KCNG2: variants seen among roughly 807,000 people sequenced by gnomAD.
KCNG2 encodes the protein voltage-gated potassium channel regulatory subunit KCNG2.
A neutral mutation model predicts 12.3 loss-of-function variants in KCNG2; 7 were observed. The observed-to-expected ratio is 0.57, with a 90% CI of 0.32 to 1.07. The LOEUF (loss-of-function observed/expected upper bound fraction) is 1.07. Among genes scored for constraint, KCNG2 ranks in the 50% least tolerant of loss-of-function variants. The pLI, the probability that KCNG2 is intolerant of heterozygous loss-of-function variation, is 0.04. For synonymous variants in KCNG2, 414 were observed against 351.4 expected, an observed-to-expected ratio of 1.18 and a Z score of -1.99; for missense variants, 703 against 726.0, an observed-to-expected ratio of 0.97 and a Z score of 0.36.
At chr18:79,895,922 T>C (rs1488223322) in intron 3 of KCNG2, among the ~76,000 whole-genome samples, 1 of 152,214 alleles carries the variant, frequency 6.6e-6, no homozygotes, top group East Asian at 1.9e-4. Flanking sequence ...TTGCATGGGG[T>C]GAATATTTTC....
rs1981160913 is a variant in KCNG2 at position 79,899,984 on chromosome 18, G to C, written c.*168G>C. On this transcript the variant is annotated 3_prime_UTR_variant, in exon 4 of 4. Transcript: ENST00000316249. ...CCCAGAACTTGGCGGGGCCCTGCCT[G>C]ACTCCCCGTGGCAGCGCTGGGCAAA... is the stretch of plus-strand genomic sequence containing the variant. 1.9e-6 allele frequency: 1 copy of C among 513,170 alleles called. No individual in the cohort carries two copies. Among genetic ancestry groups the C allele is most frequent in the Non-Finnish European group, 3.0e-6 (1 of 335,432 alleles). 31.8% of individuals were successfully genotyped at this position (513,170 alleles called of 1,614,324 possible). A position where few individuals can be genotyped will look rare whatever the true frequency, so the allele number is the denominator to read the frequency against.
chr18:79,815,826 G>A (rs2122999694), intron 1 of KCNG2, among the ~76,000 whole-genome samples: 1 of 152,362 alleles, frequency 6.6e-6, no homozygotes, highest in Non-Finnish European at 1.5e-5. Flanking sequence ...GCTCCCCGCT[G>A]GCCTGTGTGC....
At chr18:79,885,941 G>A (rs113146934) in intron 3 of KCNG2, among the ~76,000 whole-genome samples, 158 of 14,352 alleles carry the variant, frequency 0.011, 62 homozygotes, top group South Asian at 0.081. Flanking sequence ...TGGGGACAGG[G>A]ACATGGGGAC....
chr18:79,863,638 G>T lies in KCNG2; in HGVS notation c.-30G>T. 1 of 1,211,962 alleles carries T rather than the reference G, an allele frequency of 8.3e-7. No homozygotes were observed. The highest frequency in any genetic ancestry group is 1.0e-6 in the Non-Finnish European group (1 of 973,528). The allele number at this position is 1,211,962 out of a possible 1,614,324, so 75.1% of individuals were successfully genotyped here. The stretch of plus-strand genomic sequence containing the variant: ...CCGTTCCTTTTGCAGGAGCCGGGCA[G>T]GAGCCCCTCGGTCCGGTCCGGCCCT... On this transcript the variant is annotated 5_prime_UTR_variant, in exon 3 of 4. It adds an upstream start codon to the 5' untranslated region. Coordinates refer to ENST00000316249, the MANE Select transcript of KCNG2 (RefSeq NM_012283.2).
chr18:79,799,839 G>T (rs975141752), intron 1 of KCNG2, among the ~76,000 whole-genome samples: 1 of 152,124 alleles, frequency 6.6e-6, no homozygotes, highest in African/African-American at 2.4e-5. Context: ...ATGATTCGGG[G>T]TTTCTGCCCA....
chr18:79,797,949 G>A lies in KCNG2; in HGVS notation c.-180G>A, dbSNP rs1010447869. Among the ~76,000 whole-genome samples the A allele has an allele frequency of 6.6e-6, 1 of 151,458 alleles. No individual in the cohort carries two copies. Among genetic ancestry groups the A allele is most frequent in the Non-Finnish European group, 1.5e-5 (1 of 67,778 alleles). ...GGGATGCCGGCTCCAGAGACGCCGC[G>A]CTCCGCCCCGAGGAGGCCGCCGGCC... On this transcript the variant is annotated 5_prime_UTR_variant, in exon 1 of 4. Transcript: ENST00000316249.
At chr18:79,850,925 C>T (rs7227794) in intron 1 of KCNG2, among the ~76,000 whole-genome samples, 20,128 of 152,202 alleles carry the variant, frequency 0.13, 1,456 homozygotes, top group Middle Eastern at 0.16. Flanking sequence ...TGGACGGGGC[C>T]TGCGGTTCCA....
At chr18:79,807,073 G>C (rs1227100231) in intron 1 of KCNG2, among the ~76,000 whole-genome samples, 1 of 152,174 alleles carries the variant, frequency 6.6e-6, no homozygotes, top group Admixed American at 6.5e-5. Flanking sequence ...GAGCTGGACA[G>C]ACCTCTGTGG....
Position 79,872,024 on chromosome 18 carries a change from C to T in KCNG2, c.624+7733C>T, listed in dbSNP as rs1043342469. On this transcript the variant is annotated intron_variant, in intron 3 of 3. Transcript: ENST00000316249. ...ATGGCAACGCTCCTGCACGTGCGGC[C>T]GGCCGCACACCCCTCAGCCCTTGGC... Among the ~76,000 whole-genome samples, 7 of 151,838 alleles carry T rather than the reference C, an allele frequency of 4.6e-5. No homozygotes were observed. In the East Asian group the frequency reaches 5.9e-4, roughly 13 times the overall value.
At chr18:79,899,002 G>A in intron 3 of KCNG2, 38 bp from the exon 4 acceptor site, 2 of 1,444,940 alleles carry the variant, frequency 1.4e-6, no homozygotes, top group Non-Finnish European at 9.1e-7. Context: ...CCCTCCAAGA[G>A]GCCTGCGCCC....
In KCNG2 at chr18:79,803,899, G is replaced by A. The variant is rs2087429784; in HGVS notation, c.-115+5885G>A. 2.0e-5 allele frequency among the ~76,000 whole-genome samples: 3 copies of A among 152,192 alleles called. No homozygotes were observed. The highest frequency in any genetic ancestry group is 2.0e-4 in the Admixed American group (3 of 15,286). Reference sequence around the variant, plus strand: ...TGGTTTCTCCGGGGTTGGTGCCGGTGGATCAGAATCTTAGGCCTGGCCTGG... The same window carrying A: ...TGGTTTCTCCGGGGTTGGTGCCGGTAGATCAGAATCTTAGGCCTGGCCTGG... On this transcript the variant is annotated intron_variant, in intron 1 of 3. Coordinates refer to ENST00000316249, the MANE Select transcript of KCNG2 (RefSeq NM_012283.2). The surrounding 1 kb of genome is among the most constrained non-coding windows in gnomAD (Gnocchi z 4.5).
At chr18:79,872,900 G>C (rs967301229) in intron 3 of KCNG2, among the ~76,000 whole-genome samples, 3 of 152,220 alleles carry the variant, frequency 2.0e-5, no homozygotes, top group African/African-American at 7.2e-5. Context: ...GCGAAGCCTC[G>C]TGTGGCCCCC....
chr18:79,897,320 T>A (rs1981014562), intron 3 of KCNG2, among the ~76,000 whole-genome samples: 1 of 152,228 alleles, frequency 6.6e-6, no homozygotes, highest in African/African-American at 2.4e-5. Context: ...TTACTAATTC[T>A]TTTCTCTGCC....
In KCNG2 at chr18:79,881,273, C is replaced by T. The variant is rs533710319; in HGVS notation, c.624+16982C>T. ...TAGGACTGCCTATGTAGAAACACGC[C>T]GTACGATTGGAAAGCAAGAGAATAG... On this transcript the variant is annotated intron_variant, in intron 3 of 3. Transcript: ENST00000316249. 7.8e-4 allele frequency among the ~76,000 whole-genome samples: 118 copies of T among 151,866 alleles called. 1 individual carries two copies. The highest frequency in any genetic ancestry group is 2.5e-3 in the African/African-American group (102 of 41,414).
In KCNG2 at chr18:79,830,498, C is replaced by T. The variant is rs114172871; in HGVS notation, c.-114-25881C>T. Reference sequence around the variant, plus strand: ...ACATTTATTCCTCAGCTTACATAAACGGCAGGTGGTGTTCAAAGTAGGAAG... The same window carrying T: ...ACATTTATTCCTCAGCTTACATAAATGGCAGGTGGTGTTCAAAGTAGGAAG... On this transcript the variant is annotated intron_variant, in intron 1 of 3. Coordinates refer to ENST00000316249, the MANE Select transcript of KCNG2 (RefSeq NM_012283.2). 7.2e-3 allele frequency among the ~76,000 whole-genome samples: 1,091 copies of T among 152,360 alleles called. 7 individuals are homozygous for T. The highest frequency in any genetic ancestry group is 0.022 in the African/African-American group (914 of 41,592).
chr18:79,885,232 GCACAAAAAAA>G (rs1980478269), intron 3 of KCNG2, among the ~76,000 whole-genome samples: 1 of 152,152 alleles, frequency 6.6e-6, no homozygotes, highest in Non-Finnish European at 1.5e-5. Flanking sequence ...CTGTTAAAAA[GCACAAAAAAA>G]GCCAAACAAT....
intron 3 of KCNG2, among the ~76,000 whole-genome samples, chr18:79,874,856 C>T (rs1258215553): frequency 2.0e-5 from 3 of 152,178 alleles, no homozygotes; most frequent in African/African-American, 7.2e-5. Flanking sequence ...CAGCGCAGGC[C>T]GGGACTTCAG....
chr18:79,854,095 A>T (rs1436970875), intron 1 of KCNG2, among the ~76,000 whole-genome samples: 1 of 152,240 alleles, frequency 6.6e-6, no homozygotes, highest in South Asian at 2.1e-4. Context: ...CTGCACCTAC[A>T]ACTGTTTCCT....
At chr18:79,818,849 A>C (rs1338599945) in intron 1 of KCNG2, among the ~76,000 whole-genome samples, 1 of 152,180 alleles carries the variant, frequency 6.6e-6, no homozygotes, top group African/African-American at 2.4e-5. Context: ...GGCCCCTGGC[A>C]GCTCCAGCCA....
Sources: allele counts gnomAD v4.1 joint callset (sites outside exome capture counted in the v4.1 genomes callset), GRCh38; gene constraint gnomAD v4.1.1; non-coding constraint Gnocchi (gnomAD v3.1); transcripts MANE v1.5; gene names NCBI Gene and HGNC (gene_info 2026-07-23, HGNC 2026-07-21).